Variants in GRPEL1 observed in about 807,000 individuals in gnomAD.
The protein encoded by GRPEL1 is GrpE like 1, mitochondrial.
GRPEL1 carries 13 observed loss-of-function variants against 22.1 expected under a neutral mutation model. The observed-to-expected ratio is 0.59, with a 90% CI of 0.38 to 0.94. GRPEL1 has a LOEUF of 0.94. Among genes scored for constraint, GRPEL1 ranks in the 40% least tolerant of loss-of-function variants. The probability of loss-of-function intolerance (pLI) is 0.00; values close to 1 mark genes in which losing one functional copy is unlikely to be tolerated. For synonymous variants in GRPEL1, 109 were observed against 105.3 expected, an observed-to-expected ratio of 1.03 and a Z score of -0.21; for missense variants, 289 against 264.6, an observed-to-expected ratio of 1.09 and a Z score of -0.64.
At position 7,060,035 on chromosome 4, in the gene GRPEL1, C is replaced by T. The variant is rs1005105955; in HGVS notation, c.*827G>A. 2.0e-5 allele frequency: 3 copies of T among 152,194 alleles called. No homozygotes were observed. The highest frequency in any genetic ancestry group is 4.8e-5 in the African/African-American group (2 of 41,440). The allele number at this position is 152,194 out of a possible 1,614,324, so 9.4% of individuals were successfully genotyped here. A position where few individuals can be genotyped will look rare whatever the true frequency, so the allele number is the denominator to read the frequency against. On this transcript the variant is annotated 3_prime_UTR_variant, in exon 4 of 4. Transcript: ENST00000264954. Reference sequence around the variant, plus strand: ...CGGCAAGGATCTCCATGAGAGGACACAAAATTGTTTTCAGAAAGTAGGAAA... The same window carrying T: ...CGGCAAGGATCTCCATGAGAGGACATAAAATTGTTTTCAGAAAGTAGGAAA...
chr4:7,065,486 C>G (rs1488156904), intron 1 of GRPEL1, among the ~76,000 whole-genome samples: 1 of 150,764 alleles, frequency 6.6e-6, no homozygotes, highest in African/African-American at 2.4e-5. Context: ...TGCACTCCAG[C>G]CTGGGCGACA....
At chr4:7,063,624 G>T (rs1724094792) in intron 2 of GRPEL1, among the ~76,000 whole-genome samples, 1 of 152,272 alleles carries the variant, frequency 6.6e-6, no homozygotes, top group Admixed American at 6.5e-5. Context: ...AACTTGATTT[G>T]TGCCACCTAT....
chr4:7,064,917 C>T (rs1165932531), intron 1 of GRPEL1, among the ~76,000 whole-genome samples: 3 of 152,192 alleles, frequency 2.0e-5, no homozygotes, highest in Non-Finnish European at 4.4e-5. Context: ...ACCTCAGCCT[C>T]CCAGAGTGCT....
In GRPEL1 at chr4:7,059,985, G is replaced by A. The variant is rs1011172773; in HGVS notation, c.*877C>T. 2 of 152,224 alleles carry A rather than the reference G, an allele frequency of 1.3e-5. No individual in the cohort carries two copies. The highest frequency in any genetic ancestry group is 2.9e-5 in the Non-Finnish European group (2 of 68,046). 9.4% of individuals were successfully genotyped at this position (152,224 alleles called of 1,614,324 possible). A position where few individuals can be genotyped will look rare whatever the true frequency, so the allele number is the denominator to read the frequency against. On this transcript the variant is annotated 3_prime_UTR_variant, in exon 4 of 4. Coordinates refer to ENST00000264954, the MANE Select transcript of GRPEL1 (RefSeq NM_025196.4). ...GCTTCTGGGCTGGAGTAGAGAATGG[G>A]AAGGCTAAGCCATGCTTGCCTCAGC... is the stretch of plus-strand genomic sequence containing the variant.
Position 7,060,930 on chromosome 4 carries a change from T to A in GRPEL1, c.586A>T (p.Lys196Ter). The A allele has an allele frequency of 6.2e-7, 1 of 1,614,206 alleles. No individual in the cohort carries two copies. Among genetic ancestry groups the A allele is most frequent in the South Asian group, 1.1e-5 (1 of 91,088 alleles). The part of the protein sequence containing the change: ...KEPGTVALVS[K>*]VGYKLHGRTL... ...CGCCCATGCAGCTTGTACCCCACTTTGCTAACTAGGGCCACTGTGCCTGGC... is the reference window on the plus strand; with the variant it reads ...CGCCCATGCAGCTTGTACCCCACTTAGCTAACTAGGGCCACTGTGCCTGGC... Residue 196 changes from lysine to a stop codon, truncating the protein, a stop_gained, in exon 4 of 4, where the codon AAA becomes TAA. Coordinates refer to ENST00000264954, the MANE Select transcript of GRPEL1 (RefSeq NM_025196.4). LOFTEE classifies it high-confidence loss of function.
In GRPEL1 at chr4:7,060,298, C is replaced by G. The variant is rs1724007499; in HGVS notation, c.*564G>C. On this transcript the variant is annotated 3_prime_UTR_variant, in exon 4 of 4. Transcript: ENST00000264954. ...TTCCTGGCCAAATAATGGGGGAGAACTGTCAGTGCCCACACCCATTTCTCA... is the reference window on the plus strand; with the variant it reads ...TTCCTGGCCAAATAATGGGGGAGAAGTGTCAGTGCCCACACCCATTTCTCA... The G allele has an allele frequency of 6.5e-6, 1 of 152,778 alleles. No homozygotes were observed. The allele number at this position is 152,778 out of a possible 1,614,324, so 9.5% of individuals were successfully genotyped here.
At chr4:7,067,239 C>G (rs571551203) in intron 1 of GRPEL1, among the ~76,000 whole-genome samples, 43 of 140,886 alleles carry the variant, frequency 3.1e-4, no homozygotes, top group African/African-American at 1.0e-3. Flanking sequence ...TTTCAAAAAG[C>G]AGAAGGGGCA....
intron 2 of GRPEL1, among the ~76,000 whole-genome samples, chr4:7,062,715 T>C (rs905937495): frequency 2.0e-5 from 3 of 151,822 alleles, no homozygotes; most frequent in Non-Finnish European, 4.4e-5. Flanking sequence ...GGTTTCACCG[T>C]GTTAGCCAGG....
chr4:7,068,046 C>G lies in GRPEL1; in HGVS notation c.-14G>C, dbSNP rs754419867. 4.3e-6 allele frequency: 7 copies of G among 1,612,070 alleles called. No individual in the cohort carries two copies. Among genetic ancestry groups the G allele is most frequent in the South Asian group, 2.2e-5 (2 of 90,858 alleles). ...CTGAGCCGCCATGACTGCCACTGCC[C>G]GTCGCAGTCGCCGCGCACGCACCAA... is the stretch of plus-strand genomic sequence containing the variant. On this transcript the variant is annotated 5_prime_UTR_variant, in exon 1 of 4. Coordinates refer to ENST00000264954, the MANE Select transcript of GRPEL1 (RefSeq NM_025196.4).
rs1311190449 is a variant in GRPEL1 at position 7,060,569 on chromosome 4, CAG to C, written c.*291_*292del. 4.9e-6 allele frequency: 2 copies of C among 408,724 alleles called. No homozygotes were observed. Among genetic ancestry groups the C allele is most frequent in the African/African-American group, 2.0e-5 (1 of 50,034 alleles). 25.3% of individuals were successfully genotyped at this position (408,724 alleles called of 1,614,324 possible). A position where few individuals can be genotyped will look rare whatever the true frequency, so the allele number is the denominator to read the frequency against. Reference sequence around the variant, plus strand: ...TTTGTTTAAAATACTTTGGTGTCAGCAGAGTCTGAGCAGACACGTTACTCATG... The same window carrying C: ...TTTGTTTAAAATACTTTGGTGTCAGCAGTCTGAGCAGACACGTTACTCATG... On this transcript the variant is annotated 3_prime_UTR_variant, in exon 4 of 4. Coordinates refer to ENST00000264954, the MANE Select transcript of GRPEL1 (RefSeq NM_025196.4).
rs143527385 is a variant in GRPEL1, at chr4:7,067,535, G to A, written c.62+436C>T. On this transcript the variant is annotated intron_variant, in intron 1 of 3. Coordinates refer to ENST00000264954, the MANE Select transcript of GRPEL1 (RefSeq NM_025196.4). ...ACAGCTCCTGCCCAGGGCACACCCG[G>A]CCCGGCTCGGCCTCGCTGCGTGACC... 3.9e-3 allele frequency: 782 copies of A among 202,138 alleles called. 11 individuals are homozygous for A. Among genetic ancestry groups the A allele is most frequent in the African/African-American group, 0.018 (756 of 42,306 alleles). 12.5% of individuals were successfully genotyped at this position (202,138 alleles called of 1,614,324 possible). A position where few individuals can be genotyped will look rare whatever the true frequency, so the allele number is the denominator to read the frequency against.
intron 1 of GRPEL1, among the ~76,000 whole-genome samples, chr4:7,065,357 A>G (rs994914211): frequency 2.0e-5 from 3 of 152,172 alleles, no homozygotes; most frequent in Admixed American, 6.5e-5. Flanking sequence ...TCTTCTAAAA[A>G]TACAAAATTA....
rs1458271519 is a variant in GRPEL1, at chr4:7,059,025, A to G, written c.*1837T>C. On this transcript the variant is annotated 3_prime_UTR_variant, in exon 4 of 4. Coordinates refer to ENST00000264954, the MANE Select transcript of GRPEL1 (RefSeq NM_025196.4). Reference sequence around the variant, plus strand: ...TCTAGAGCAACAGGCTACATACACCATATAGCCTAGGTGTGGAGGAGGCTC... The same window carrying G: ...TCTAGAGCAACAGGCTACATACACCGTATAGCCTAGGTGTGGAGGAGGCTC... 6.6e-6 allele frequency: 1 copy of G among 152,196 alleles called. No individual in the cohort carries two copies. Among genetic ancestry groups the G allele is most frequent in the Non-Finnish European group, 1.5e-5 (1 of 68,042 alleles). The allele number at this position is 152,196 out of a possible 1,614,324, so 9.4% of individuals were successfully genotyped here. A position where few individuals can be genotyped will look rare whatever the true frequency, so the allele number is the denominator to read the frequency against.
rs770441480 is a variant in GRPEL1, at chr4:7,061,120, G to A, written c.396C>T (p.Asp132=). 6 of 1,614,074 alleles carry A rather than the reference G, an allele frequency of 3.7e-6. No homozygotes were observed. The highest frequency in any genetic ancestry group is 2.2e-5 in the South Asian group (2 of 91,088). ...AGAGGTTCTTCAGGTGAGGGTTATCGTCTTTAATTTCTTCTTTTGGAACAC... is the reference window on the plus strand; with the variant it reads ...AGAGGTTCTTCAGGTGAGGGTTATCATCTTTAATTTCTTCTTTTGGAACAC... ...TQCVPKEEIK[D]DNPHLKNLYE... The change falls in exon 4 of 4, where the codon GAC becomes GAT. Residue 132 remains aspartate, a synonymous_variant. Transcript: ENST00000264954.
At chr4:7,063,472 A>C (rs535754240) in intron 2 of GRPEL1, among the ~76,000 whole-genome samples, 1 of 152,304 alleles carries the variant, frequency 6.6e-6, no homozygotes, top group South Asian at 2.1e-4. Flanking sequence ...ATCACTGTAC[A>C]GTGGCAAGGA....
chr4:7,060,680 G>A lies in GRPEL1; in HGVS notation c.*182C>T. 2 of 633,824 alleles carry A rather than the reference G, an allele frequency of 3.2e-6. No homozygotes were observed. The highest frequency in any genetic ancestry group is 5.6e-5 in the Admixed American group (2 of 35,662). 39.3% of individuals were successfully genotyped at this position (633,824 alleles called of 1,614,324 possible). On this transcript the variant is annotated 3_prime_UTR_variant, in exon 4 of 4. Transcript: ENST00000264954. ...CAACGCGTGGCACTAAAAGGGAACA[G>A]ACTCCCGAATTAGAGTTCATTAATG...
Position 7,060,291 on chromosome 4 carries a change from GGGA to G in GRPEL1, c.*568_*570del, listed in dbSNP as rs1199047392. On this transcript the variant is annotated 3_prime_UTR_variant, in exon 4 of 4. Coordinates refer to ENST00000264954, the MANE Select transcript of GRPEL1 (RefSeq NM_025196.4). Reference sequence around the variant, plus strand: ...AGCTCAATTCCTGGCCAAATAATGGGGGAGAACTGTCAGTGCCCACACCCATTT... The same window carrying G: ...AGCTCAATTCCTGGCCAAATAATGGGGAACTGTCAGTGCCCACACCCATTT... 2 of 152,670 alleles carry G rather than the reference GGGA, an allele frequency of 1.3e-5. No individual in the cohort carries two copies. Among genetic ancestry groups the G allele is most frequent in the East Asian group, 3.9e-4 (2 of 5,190 alleles). The allele number at this position is 152,670 out of a possible 1,614,324, so 9.5% of individuals were successfully genotyped here.
In GRPEL1 at chr4:7,062,399, T is replaced by G. The variant is rs200722328; in HGVS notation, c.293A>C (p.Glu98Ala). ...LRQRSQKLVE[E>A]AKLYGIQAFC... ...GTTGAAAGTACCGTATAATTTTGCC[T>G]CCTCCACCAATTTCTGGCTCCTCTG... The change falls in exon 3 of 4, where the codon GAG (glutamate) becomes GCG (alanine). Residue 98 changes from glutamate (E) to alanine (A), a missense_variant. Glu to Ala is a moderately radical substitution (Grantham distance 107). Transcript: ENST00000264954. 1.1e-4 allele frequency: 169 copies of G among 1,580,976 alleles called. No individual in the cohort carries two copies. In the Admixed American group the frequency reaches 1.2e-3, roughly 11 times the overall value.
intron 3 of GRPEL1, chr4:7,061,590 C>G: frequency 5.0e-6 from 1 of 201,214 alleles, no homozygotes. Context: ...TGTAAGTCAC[C>G]CAGGGAGCAC....
Sources: gnomAD v4.1 joint callset for allele counts (sites outside exome capture counted in the v4.1 genomes callset) on GRCh38, gnomAD v4.1.1 for gene constraint, MANE v1.5 for transcripts, NCBI Gene and HGNC (gene_info 2026-07-23, HGNC 2026-07-21) for gene names.